The following PDE4B variants were observed in gnomAD, a reference collection of about 807,000 sequenced individuals.
PDE4B encodes the protein 3',5'-cyclic-AMP phosphodiesterase 4B.
In PDE4B, 20 loss-of-function variants were observed where a neutral mutation model predicts 82.2. The observed-to-expected ratio is 0.24, with a 90% CI of 0.17 to 0.35. The LOEUF is 0.35. Among genes scored for constraint, PDE4B ranks in the 10% least tolerant of loss-of-function variants. The probability of loss-of-function intolerance (pLI) is 1.00; values close to 1 mark genes in which losing one functional copy is unlikely to be tolerated. For synonymous variants in PDE4B, 320 were observed against 318.9 expected, an observed-to-expected ratio of 1.00 and a Z score of -0.04; for missense variants, 655 against 907.2, an observed-to-expected ratio of 0.72 and a Z score of 3.57.
At chr1:65,893,699 A>ATATATATATGTTTG (rs1457841184) in intron 1 of PDE4B, among the ~76,000 whole-genome samples, 3 of 152,120 alleles carry the variant, frequency 2.0e-5, no homozygotes, top group Non-Finnish European at 4.4e-5. Context: ...ACACATGTTT[A>ATATATATATGTTTG]TAACAGGACA....
At chr1:66,030,697 A>G (rs1011276984) in intron 3 of PDE4B, among the ~76,000 whole-genome samples, 1 of 152,216 alleles carries the variant, frequency 6.6e-6, no homozygotes, top group African/African-American at 2.4e-5. Flanking sequence ...TAGCAAAGAC[A>G]TGGAATCAAC....
In PDE4B at chr1:66,372,634, G is replaced by A. The variant is rs757845214; in HGVS notation, c.2167G>A (p.Asp723Asn). The change falls in exon 17 of 17, where the codon GAC becomes AAC. Residue 723 changes from aspartate to asparagine, a missense_variant. Asp to Asn is a conservative substitution (Grantham distance 23). Coordinates refer to ENST00000341517, the MANE Select transcript of PDE4B (RefSeq NM_002600.4). ...PENRDSLGET[D>N]IDIATEDKSP... ...AAACAGAGATTCCCTGGGAGAGACT[G>A]ACATAGACATTGCAACAGAAGACAA... 1 of 1,614,002 alleles carries A rather than the reference G, an allele frequency of 6.2e-7. No homozygotes were observed. Among genetic ancestry groups the A allele is most frequent in the South Asian group, 1.1e-5 (1 of 91,074 alleles).
intron 1 of PDE4B, among the ~76,000 whole-genome samples, chr1:65,799,440 A>T (rs572224066): frequency 2.0e-5 from 3 of 152,210 alleles, no homozygotes; most frequent in Admixed American, 6.5e-5. Flanking sequence ...TGATTTTTTT[A>T]AATAAAAATA....
At chr1:65,878,805 A>G (rs1298282488) in intron 1 of PDE4B, among the ~76,000 whole-genome samples, 1 of 152,154 alleles carries the variant, frequency 6.6e-6, no homozygotes, top group African/African-American at 2.4e-5. Context: ...CCTAGATGAC[A>G]GGTTGATAGG....
At chr1:65,942,673 C>T (rs747429177) in intron 3 of PDE4B, among the ~76,000 whole-genome samples, 2 of 152,154 alleles carry the variant, frequency 1.3e-5, no homozygotes, top group African/African-American at 4.8e-5. Flanking sequence ...TTTTTCTCCA[C>T]ATCCTCTTCA....
At chr1:66,350,988 C>A (rs1427102650) in intron 8 of PDE4B, among the ~76,000 whole-genome samples, 1 of 152,136 alleles carries the variant, frequency 6.6e-6, no homozygotes, top group Non-Finnish European at 1.5e-5. Context: ...AAAAATCAGA[C>A]AATTTTATAG....
At chr1:65,905,655 G>A (rs1647020806) in intron 1 of PDE4B, among the ~76,000 whole-genome samples, 1 of 151,990 alleles carries the variant, frequency 6.6e-6, no homozygotes, top group South Asian at 2.1e-4. Flanking sequence ...GGAGTGGAAG[G>A]GCTTCTCTCT....
At chr1:65,839,575 C>T (rs573983974) in intron 1 of PDE4B, among the ~76,000 whole-genome samples, 7 of 152,180 alleles carry the variant, frequency 4.6e-5, no homozygotes, top group East Asian at 1.9e-4. Context: ...CAGTTTCATC[C>T]GTGTCCCTGC....
chr1:66,296,074 G>A (rs1404441073), intron 7 of PDE4B, among the ~76,000 whole-genome samples: 2 of 152,100 alleles, frequency 1.3e-5, no homozygotes, highest in African/African-American at 2.4e-5. Flanking sequence ...AGAGGTCAAC[G>A]TCTCTTATTA....
At chr1:66,225,991 A>G (rs1651422549) in intron 3 of PDE4B, among the ~76,000 whole-genome samples, 1 of 152,192 alleles carries the variant, frequency 6.6e-6, no homozygotes, top group Admixed American at 6.5e-5. Context: ...ACTGAAATTC[A>G]TTGTCATTCT....
At chr1:66,372,221 T>C (rs775449509) in intron 16 of PDE4B, 92 bp from the exon 17 acceptor site, 6 of 1,296,560 alleles carry the variant, frequency 4.6e-6, no homozygotes, top group Non-Finnish European at 6.4e-6. Context: ...TCTGAAGTTA[T>C]TAATGTTCTT....
intron 3 of PDE4B, among the ~76,000 whole-genome samples, chr1:66,006,439 A>G (rs1409256075): frequency 6.6e-6 from 1 of 152,172 alleles, no homozygotes; most frequent in African/African-American, 2.4e-5. Flanking sequence ...TTTCACAGAT[A>G]CAAGTGTTAA....
intron 9 of PDE4B, among the ~76,000 whole-genome samples, chr1:66,357,952 T>G (rs1407824890): frequency 6.6e-6 from 1 of 152,240 alleles, no homozygotes; most frequent in African/African-American, 2.4e-5. Context: ...TCTGACAATC[T>G]CAAAAAACAA....
intron 3 of PDE4B, among the ~76,000 whole-genome samples, chr1:66,242,853 T>A (rs566981323): frequency 6.6e-6 from 1 of 152,308 alleles, no homozygotes; most frequent in African/African-American, 2.4e-5. Context: ...CTAAGGACAG[T>A]GTGGCAGTCT....
chr1:66,046,019 G>A (rs1297991066), intron 3 of PDE4B, among the ~76,000 whole-genome samples: 1 of 151,676 alleles, frequency 6.6e-6, no homozygotes, highest in African/African-American at 2.4e-5. Context: ...GTTTATTTTA[G>A]ATGAATTATT....
intron 1 of PDE4B, among the ~76,000 whole-genome samples, chr1:65,911,117 T>C (rs1165586828): frequency 6.6e-6 from 1 of 152,162 alleles, no homozygotes; most frequent in Non-Finnish European, 1.5e-5. Context: ...CAAAGGATCA[T>C]AAAACAAATT....
intron 3 of PDE4B, among the ~76,000 whole-genome samples, chr1:65,956,543 AT>A (rs1365420864): frequency 6.6e-6 from 1 of 152,116 alleles, no homozygotes; most frequent in Non-Finnish European, 1.5e-5. Flanking sequence ...ATAGATATAG[AT>A]TGCGGTTTCT....
chr1:66,269,993 C>A (rs965975235), intron 7 of PDE4B, among the ~76,000 whole-genome samples: 1 of 152,186 alleles, frequency 6.6e-6, no homozygotes, highest in Non-Finnish European at 1.5e-5. Flanking sequence ...TGAGCAGGAA[C>A]ATTACCACTG....
chr1:66,014,208 A>G (rs1652645934), intron 3 of PDE4B, among the ~76,000 whole-genome samples: 1 of 152,130 alleles, frequency 6.6e-6, no homozygotes, highest in African/African-American at 2.4e-5. Flanking sequence ...TGTCAGATAT[A>G]TGATTTGCAA....
Sources: allele counts gnomAD v4.1 joint callset (sites outside exome capture counted in the v4.1 genomes callset), GRCh38; gene constraint gnomAD v4.1.1; transcripts MANE v1.5; gene names NCBI Gene and HGNC (gene_info 2026-07-23, HGNC 2026-07-21).